The following SDCCAG8 variants were observed in gnomAD, a reference collection of about 807,000 sequenced individuals.
SDCCAG8 encodes serologically defined colon cancer antigen 8.
In SDCCAG8, 74 loss-of-function variants were observed where a neutral mutation model predicts 101.8. That is an observed-to-expected ratio of 0.73 (90% CI 0.60 to 0.88). The LOEUF is 0.88. Ranked by LOEUF, SDCCAG8 falls within the 40% of genes least tolerant of loss-of-function variation. The pLI is 0.00. For missense variants in SDCCAG8, 787 were observed against 822.6 expected (o/e 0.96, Z 0.53); for synonymous variants, 281 against 292.9 (o/e 0.96, Z 0.41).
rs142842404 is a variant in SDCCAG8, at chr1:243,372,954, C to CTATA, written c.1474-5759_1474-5756dup. Among the ~76,000 whole-genome samples the CTATA allele has an allele frequency of 5.3e-5, 7 of 131,734 alleles. 1 individual carries two copies. The highest frequency in any genetic ancestry group is 1.2e-4 in the African/African-American group (4 of 33,914). The allele number at this position is 131,734 out of a possible 152,430, so 86.4% of individuals were successfully genotyped here. A position where few individuals can be genotyped will look rare whatever the true frequency, so the allele number is the denominator to read the frequency against. ...TATCTATATCTATATCTATATCTAT[C>CTATA]TATATATATATCTTAATATATATAT... On this transcript the variant is annotated intron_variant, in intron 12 of 17. Transcript: ENST00000366541.
chr1:243,499,630 T>G, intron 17 of SDCCAG8, 126 bp from the exon 18 acceptor site: 2 of 777,570 alleles, frequency 2.6e-6, no homozygotes, highest in South Asian at 2.9e-5. Flanking sequence ...TTCCACATTT[T>G]TAGCAACAGG....
chr1:243,406,561 C>T (rs541889613), intron 13 of SDCCAG8, among the ~76,000 whole-genome samples: 5 of 152,320 alleles, frequency 3.3e-5, no homozygotes, highest in South Asian at 2.1e-4. Flanking sequence ...CCCCACACTG[C>T]AGCCAGAGTG....
At chr1:243,347,064 C>A (rs891052164) in intron 12 of SDCCAG8, among the ~76,000 whole-genome samples, 3 of 152,166 alleles carry the variant, frequency 2.0e-5, no homozygotes, top group Non-Finnish European at 2.9e-5. Flanking sequence ...CAGTCCTCCT[C>A]CTCAATCCTA....
At chr1:243,472,074 G>C (rs925880522) in intron 16 of SDCCAG8, among the ~76,000 whole-genome samples, 1 of 152,160 alleles carries the variant, frequency 6.6e-6, no homozygotes, top group Non-Finnish European at 1.5e-5. Flanking sequence ...TCATAGGAAG[G>C]CTCTTTGGAC....
chr1:243,403,876 T>G (rs950845238), intron 13 of SDCCAG8, among the ~76,000 whole-genome samples: 9 of 152,242 alleles, frequency 5.9e-5, no homozygotes, highest in African/African-American at 1.7e-4. Flanking sequence ...AGAAATAAAC[T>G]GCCCAATAAA....
intron 16 of SDCCAG8, among the ~76,000 whole-genome samples, chr1:243,438,751 A>G (rs915235158): frequency 2.6e-5 from 4 of 152,226 alleles, no homozygotes; most frequent in African/African-American, 4.8e-5. Context: ...GGCTTTTCTC[A>G]TACTTGGTGA....
chr1:243,453,658 G>A (rs975808141), intron 16 of SDCCAG8, among the ~76,000 whole-genome samples: 1 of 152,086 alleles, frequency 6.6e-6, no homozygotes. Context: ...TGAAATGTTC[G>A]GTTGATAGAA....
chr1:243,261,367 T>C (rs182738714), intron 1 of SDCCAG8, among the ~76,000 whole-genome samples: 2 of 152,282 alleles, frequency 1.3e-5, no homozygotes, highest in Admixed American at 1.3e-4. Flanking sequence ...CTTATGGAAA[T>C]GAGAGTAAGG....
intron 5 of SDCCAG8, among the ~76,000 whole-genome samples, chr1:243,292,110 C>T (rs2070328063): frequency 6.6e-6 from 1 of 152,206 alleles, no homozygotes; most frequent in South Asian, 2.1e-4. Flanking sequence ...ACACCACCCT[C>T]TTGGCATGTG....
chr1:243,324,132 A>G (rs1410643155), intron 9 of SDCCAG8, among the ~76,000 whole-genome samples: 2 of 151,998 alleles, frequency 1.3e-5, no homozygotes, highest in African/African-American at 2.4e-5. Flanking sequence ...TTTTGCTGCT[A>G]CTAGATCTTT....
intron 16 of SDCCAG8, among the ~76,000 whole-genome samples, chr1:243,463,070 A>C (rs1659451746): frequency 6.6e-6 from 1 of 152,252 alleles, no homozygotes; most frequent in Non-Finnish European, 1.5e-5. Flanking sequence ...AACACAGTCA[A>C]GTCCACTGAT....
chr1:243,279,447 C>T (rs1206178305), intron 4 of SDCCAG8, among the ~76,000 whole-genome samples: 2 of 152,214 alleles, frequency 1.3e-5, no homozygotes, highest in East Asian at 3.8e-4. Flanking sequence ...TGCTGCCCAG[C>T]ATCATGAGAG....
intron 5 of SDCCAG8, among the ~76,000 whole-genome samples, chr1:243,291,014 T>G (rs1417796247): frequency 1.3e-5 from 2 of 152,202 alleles, no homozygotes; most frequent in African/African-American, 2.4e-5. Context: ...CACAAATGTT[T>G]GCACTAAACT....
Position 243,274,595 on chromosome 1 carries a change from A to T in SDCCAG8, c.359A>T (p.His120Leu), listed in dbSNP as rs778785206. Residue 120 changes from histidine to leucine, a missense_variant, in exon 4 of 18, where the codon CAT becomes CTT. Coordinates refer to ENST00000366541, the MANE Select transcript of SDCCAG8 (RefSeq NM_006642.5). ...TNMPTMHDLV[H>L]TINDQSQYIH... Reference sequence around the variant, plus strand: ...ATGCCTACTATGCACGACCTTGTTCATACTATTAATGACCAGTCTCAATAT... The same window carrying T: ...ATGCCTACTATGCACGACCTTGTTCTTACTATTAATGACCAGTCTCAATAT... 6.2e-7 allele frequency: 1 copy of T among 1,611,888 alleles called. No individual in the cohort carries two copies. Among genetic ancestry groups the T allele is most frequent in the African/African-American group, 1.3e-5 (1 of 74,864 alleles).
chr1:243,359,366 C>T (rs531177915), intron 12 of SDCCAG8, among the ~76,000 whole-genome samples: 20 of 152,196 alleles, frequency 1.3e-4, no homozygotes, highest in South Asian at 4.2e-4. Flanking sequence ...TACTAAACTC[C>T]GTGAATGTAC....
intron 13 of SDCCAG8, among the ~76,000 whole-genome samples, chr1:243,389,112 A>G (rs908304484): frequency 6.7e-6 from 1 of 150,014 alleles, no homozygotes; most frequent in African/African-American, 2.5e-5. Context: ...TTGCCATCGC[A>G]CTCCAGCCTG....
At chr1:243,420,958 G>C (rs559747560) in intron 15 of SDCCAG8, among the ~76,000 whole-genome samples, 4 of 152,262 alleles carry the variant, frequency 2.6e-5, no homozygotes, top group Admixed American at 6.5e-5. Flanking sequence ...CTCCAGGAGT[G>C]TGCCTCTGCA....
At chr1:243,334,270 G>A (rs751495688) in intron 10 of SDCCAG8, among the ~76,000 whole-genome samples, 31 of 151,982 alleles carry the variant, frequency 2.0e-4, no homozygotes, top group Admixed American at 3.3e-4. Context: ...ACTGCAGCTG[G>A]GATGATCTTT....
At chr1:243,355,403 A>T (rs908928857) in intron 12 of SDCCAG8, among the ~76,000 whole-genome samples, 1 of 151,920 alleles carries the variant, frequency 6.6e-6, no homozygotes, top group Non-Finnish European at 1.5e-5. Flanking sequence ...GCCTTTCTTC[A>T]TGAGTCAAGC....
Sources: gnomAD v4.1 joint callset for allele counts (sites outside exome capture counted in the v4.1 genomes callset) on GRCh38, gnomAD v4.1.1 for gene constraint, MANE v1.5 for transcripts, NCBI Gene and HGNC (gene_info 2026-07-23, HGNC 2026-07-21) for gene names.